Variants in RNF130 observed in about 807,000 individuals in gnomAD.
RNF130 encodes the protein ring finger protein 130.
In RNF130, 21 loss-of-function variants were observed where a neutral mutation model predicts 44.6. The observed-to-expected ratio is 0.47, with a 90% CI of 0.33 to 0.68. RNF130 has a LOEUF of 0.68. RNF130 is among the 30% of genes least tolerant of loss of function. The probability of loss-of-function intolerance (pLI) is 0.02; values close to 1 mark genes in which losing one functional copy is unlikely to be tolerated. For missense variants in RNF130, 479 were observed against 560.6 expected, an observed-to-expected ratio of 0.85 and a Z score of 1.47; for synonymous variants, 214 against 210.4, an observed-to-expected ratio of 1.02 and a Z score of -0.15.
At chr5:180,025,082 C>G (rs960710888) in intron 2 of RNF130, among the ~76,000 whole-genome samples, 1 of 152,212 alleles carries the variant, frequency 6.6e-6, no homozygotes, top group Non-Finnish European at 1.5e-5. Flanking sequence ...CATCCTGAAT[C>G]GAGAAGCACT....
intron 8 of RNF130, among the ~76,000 whole-genome samples, chr5:179,958,090 G>A (rs573762451): frequency 6.6e-6 from 1 of 152,146 alleles, no homozygotes; most frequent in East Asian, 1.9e-4. Context: ...TTTTAGCCGG[G>A]ATGGTCTCGA....
At chr5:180,003,981 T>TTA (rs1487061003) in intron 3 of RNF130, among the ~76,000 whole-genome samples, 1 of 152,226 alleles carries the variant, frequency 6.6e-6, no homozygotes, top group African/African-American at 2.4e-5. Flanking sequence ...TACTGACTCG[T>TTA]GTTATCGTCA....
intron 2 of RNF130, among the ~76,000 whole-genome samples, chr5:180,017,776 A>T (rs943589139): frequency 1.3e-5 from 2 of 152,214 alleles, no homozygotes; most frequent in African/African-American, 4.8e-5. Context: ...AGGCCAACAG[A>T]AGGAACCTCA....
chr5:179,995,499 T>TCTG (rs1015077079), intron 3 of RNF130, among the ~76,000 whole-genome samples: 18 of 152,310 alleles, frequency 1.2e-4, no homozygotes, highest in Admixed American at 1.1e-3. Flanking sequence ...AGATGCTGCT[T>TCTG]CTGCTGCTGC....
At chr5:179,939,953 T>C (rs1197048656) in intron 7 of RNF130, 6 of 141,708 alleles carry the variant, frequency 4.2e-5, no homozygotes, top group African/African-American at 8.8e-5. Context: ...TAAACGTCCC[T>C]TTTTTTTTTT....
intron 2 of RNF130, among the ~76,000 whole-genome samples, chr5:180,017,541 C>T (rs1366198494): frequency 3.3e-5 from 5 of 152,274 alleles, no homozygotes; most frequent in African/African-American, 9.6e-5. Context: ...TTCTAATTCC[C>T]TAATGCTGTG....
At chr5:179,950,085 T>C (rs248328), downstream of RNF130, among the ~76,000 whole-genome samples, 81,657 of 151,982 alleles carry the variant, frequency 0.54, 23,677 homozygotes, top group Middle Eastern at 0.75. Flanking sequence ...TATTTAAGGT[T>C]GACAGTTGAT....
At chr5:179,951,007 A>G (rs1762115938), downstream of RNF130, among the ~76,000 whole-genome samples, 1 of 152,234 alleles carries the variant, frequency 6.6e-6, no homozygotes, top group Non-Finnish European at 1.5e-5. Flanking sequence ...GAAGCTATCA[A>G]TACAAGAGAG....
chr5:179,916,433 T>C (rs1761546147), exon 8 of RNF130: 1 of 152,158 alleles, frequency 6.6e-6, no homozygotes, highest in South Asian at 2.1e-4. Flanking sequence ...ACGGATTGGA[T>C]GTGAGGGTAA....
At chr5:179,914,650 G>C (rs963656449) in exon 8 of RNF130, 1 of 152,304 alleles carries the variant, frequency 6.6e-6, no homozygotes, top group Non-Finnish European at 1.5e-5. Flanking sequence ...TTGGGGGAGG[G>C]AGGAGGAAGG....
chr5:179,996,326 T>C (rs1434167225), intron 3 of RNF130, among the ~76,000 whole-genome samples: 1 of 152,234 alleles, frequency 6.6e-6, no homozygotes, highest in East Asian at 1.9e-4. Context: ...ACTTTACTTA[T>C]CAGTCCTAAA....
rs186396127 is a variant in RNF130 at position 179,992,028 on chromosome 5, G to A, written c.694-11828C>T. On this transcript the variant is annotated intron_variant, in intron 3 of 8. Coordinates refer to ENST00000521389, the MANE Select transcript of RNF130 (RefSeq NM_018434.6). ...CTCAGGAAGTAATGCTAGCAATGGG[G>A]AGCGACTGTAAATACAAATGAAGCT... Among the ~76,000 whole-genome samples the A allele has an allele frequency of 2.4e-3, 370 of 152,250 alleles. 3 individuals are homozygous for A. The highest frequency in any genetic ancestry group is 3.7e-3 in the Non-Finnish European group (252 of 68,018).
intron 7 of RNF130, among the ~76,000 whole-genome samples, chr5:179,937,461 C>G (rs1377454807): frequency 6.6e-6 from 1 of 152,144 alleles, no homozygotes; most frequent in Non-Finnish European, 1.5e-5. Flanking sequence ...CTCAGCATCA[C>G]TAGGCATTAG....
chr5:180,057,315 G>A (rs559802295), intron 1 of RNF130, among the ~76,000 whole-genome samples: 28 of 152,332 alleles, frequency 1.8e-4, no homozygotes, highest in Admixed American at 3.3e-4. Flanking sequence ...TTGGGAGGCC[G>A]AGGCGGGAGG....
chr5:179,987,886 C>T (rs759296996), intron 3 of RNF130, among the ~76,000 whole-genome samples: 3 of 152,136 alleles, frequency 2.0e-5, no homozygotes, highest in Non-Finnish European at 4.4e-5. Flanking sequence ...TGGGTTGAGG[C>T]TTTTTGTGTC....
Position 180,071,450 on chromosome 5 carries a change from A to C in RNF130, c.247+6T>G. On this transcript the variant is annotated splice_donor_region_variant and intron_variant, in intron 1 of 8. Coordinates refer to ENST00000521389, the MANE Select transcript of RNF130 (RefSeq NM_018434.6). ...CACCGCCCGCCGCCCCCGGGCCGGC[A>C]CTCACCTCCGTGGAGGGGCAGCGGC... 8.1e-7 allele frequency: 1 copy of C among 1,238,408 alleles called. No individual in the cohort carries two copies. Among genetic ancestry groups the C allele is most frequent in the South Asian group, 3.6e-5 (1 of 27,646 alleles). 76.7% of individuals were successfully genotyped at this position (1,238,408 alleles called of 1,614,324 possible).
chr5:179,993,940 A>G (rs527598486), intron 3 of RNF130, among the ~76,000 whole-genome samples: 1 of 152,364 alleles, frequency 6.6e-6, no homozygotes, highest in East Asian at 1.9e-4. Flanking sequence ...AGCTTTCTAC[A>G]TATGGCTAGC....
chr5:179,988,909 T>C (rs929570442), intron 3 of RNF130, among the ~76,000 whole-genome samples: 1 of 152,250 alleles, frequency 6.6e-6, no homozygotes. Context: ...TGGTATATAG[T>C]ACAGTTCAAA....
intron 7 of RNF130, among the ~76,000 whole-genome samples, chr5:179,928,778 A>G (rs1031298562): frequency 1.4e-4 from 21 of 151,534 alleles, no homozygotes; most frequent in African/African-American, 4.6e-4. Context: ...ACAGGCGCCC[A>G]CCACCACGCC....
Sources: allele counts gnomAD v4.1 joint callset (sites outside exome capture counted in the v4.1 genomes callset), GRCh38; gene constraint gnomAD v4.1.1; transcripts MANE v1.5; gene names NCBI Gene and HGNC (gene_info 2026-07-23, HGNC 2026-07-21).